Variants in EPHA3 observed in about 807,000 individuals in gnomAD.
EPHA3 encodes the protein ephrin type-A receptor 3.
Under a neutral mutation model 107.1 loss-of-function variants are expected in EPHA3, and 42 were observed. The observed-to-expected ratio is 0.39, with a 90% CI of 0.31 to 0.51. The LOEUF (loss-of-function observed/expected upper bound fraction) is 0.51, where lower values mean the gene tolerates loss of function less well. EPHA3 is among the 20% of genes least tolerant of loss of function. EPHA3 has a pLI of 0.78. For missense variants in EPHA3, 1,183 were observed against 1,211.2 expected, an observed-to-expected ratio of 0.98 and a Z score of 0.35; for synonymous variants, 461 against 424.8, an observed-to-expected ratio of 1.09 and a Z score of -1.05.
chr3:89,419,476 C>T (rs929393019), intron 11 of EPHA3, 86 bp downstream of exon 11: 61 of 1,258,246 alleles, frequency 4.8e-5, no homozygotes, highest in Middle Eastern at 2.1e-4. Flanking sequence ...AGAATTTTGG[C>T]TTTTTTTCAT....
intron 15 of EPHA3, among the ~76,000 whole-genome samples, chr3:89,470,043 C>T (rs1269824609): frequency 6.6e-6 from 1 of 151,020 alleles, no homozygotes; most frequent in Non-Finnish European, 1.5e-5. Context: ...CAAAATATAC[C>T]CTCTTAATTA....
At chr3:89,360,853 T>C (rs1484746149) in intron 5 of EPHA3, among the ~76,000 whole-genome samples, 1 of 151,186 alleles carries the variant, frequency 6.6e-6, no homozygotes, top group African/African-American at 2.4e-5. Context: ...TTCAAATATT[T>C]AATTCACTTC....
chr3:89,327,733 T>A (rs1205544833), intron 3 of EPHA3, among the ~76,000 whole-genome samples: 2 of 150,048 alleles, frequency 1.3e-5, no homozygotes, highest in Non-Finnish European at 1.5e-5. Flanking sequence ...AGAACTGTGC[T>A]TTTTTTTTGT....
At chr3:89,390,587 G>A (rs1423055112) in intron 5 of EPHA3, among the ~76,000 whole-genome samples, 1 of 135,940 alleles carries the variant, frequency 7.4e-6, no homozygotes, top group Admixed American at 8.2e-5. Flanking sequence ...GCAACAGAGC[G>A]AGACTCCGTT....
intron 3 of EPHA3, among the ~76,000 whole-genome samples, chr3:89,248,611 A>C (rs1329362181): frequency 6.6e-6 from 1 of 152,234 alleles, no homozygotes; most frequent in Non-Finnish European, 1.5e-5. Context: ...ATAACATTAC[A>C]TCTCAGGAAG....
At chr3:89,457,340 G>A (rs936552564) in intron 15 of EPHA3, among the ~76,000 whole-genome samples, 1 of 152,242 alleles carries the variant, frequency 6.6e-6, no homozygotes. Flanking sequence ...TTACGAACCA[G>A]GTGGCAAAGC....
At chr3:89,117,948 A>G (rs1170409135) in intron 1 of EPHA3, among the ~76,000 whole-genome samples, 1 of 152,072 alleles carries the variant, frequency 6.6e-6, no homozygotes, top group Non-Finnish European at 1.5e-5. Context: ...ACAGCATCAT[A>G]GAAAACTAGA....
At position 89,320,505 on chromosome 3, in the gene EPHA3, T is replaced by TAC. The variant is rs1201714383; in HGVS notation, c.815-20411_815-20410insAC. Among the ~76,000 whole-genome samples the TAC allele has an allele frequency of 1.8e-4, 27 of 152,158 alleles. No homozygotes were observed. The East Asian group carries it at 2.7e-3, about 15-fold the overall frequency. Reference sequence around the variant, plus strand: ...CCAATGTAATCATTGAGCCATCTTGTGTCATCTTCTAATCCTGGGAGATGA... The same window carrying TAC: ...CCAATGTAATCATTGAGCCATCTTGTACGTCATCTTCTAATCCTGGGAGATGA... On this transcript the variant is annotated intron_variant, in intron 3 of 16. Coordinates refer to ENST00000336596, the MANE Select transcript of EPHA3 (RefSeq NM_005233.6).
intron 2 of EPHA3, among the ~76,000 whole-genome samples, chr3:89,183,650 C>A (rs1270538279): frequency 6.6e-6 from 1 of 151,910 alleles, no homozygotes; most frequent in Non-Finnish European, 1.5e-5. Flanking sequence ...TTAATGAAAA[C>A]AGATGCATTC....
intron 5 of EPHA3, among the ~76,000 whole-genome samples, chr3:89,370,686 A>T (rs1708282855): frequency 6.6e-6 from 1 of 151,744 alleles, no homozygotes; most frequent in African/African-American, 2.4e-5. Flanking sequence ...AAAATACATT[A>T]GTTGTATATA....
At chr3:89,157,308 C>A (rs1033811020) in intron 2 of EPHA3, among the ~76,000 whole-genome samples, 3 of 151,948 alleles carry the variant, frequency 2.0e-5, no homozygotes, top group Admixed American at 6.6e-5. Flanking sequence ...TTCCTTAATG[C>A]AACTTTAATA....
At chr3:89,159,383 G>A (rs1489559178) in intron 2 of EPHA3, among the ~76,000 whole-genome samples, 1 of 152,048 alleles carries the variant, frequency 6.6e-6, no homozygotes, top group Non-Finnish European at 1.5e-5. Context: ...CTAGATACAA[G>A]TTAGGGAGGG....
Position 89,419,206 on chromosome 3 carries a change from T to A in EPHA3, c.1890T>A (p.Gly630=). The part of the protein sequence containing the change: ...NISIDKVVGA[G]EFGEVCSGRL... ...TGTTGCTGTTCTGCTTTATAACAGGTGAATTTGGAGAGGTGTGCAGTGGTC... is the reference window on the plus strand; with the variant it reads ...TGTTGCTGTTCTGCTTTATAACAGGAGAATTTGGAGAGGTGTGCAGTGGTC... The change falls in exon 11 of 17, where the codon GGT becomes GGA. Residue 630 remains glycine, a splice_region_variant and synonymous_variant. Coordinates refer to ENST00000336596, the MANE Select transcript of EPHA3 (RefSeq NM_005233.6). 6.3e-7 allele frequency: 1 copy of A among 1,592,268 alleles called. No homozygotes were observed. Among genetic ancestry groups the A allele is most frequent in the Non-Finnish European group, 8.5e-7 (1 of 1,171,490 alleles).
At chr3:89,130,854 A>T (rs1339206676) in intron 2 of EPHA3, among the ~76,000 whole-genome samples, 3 of 151,836 alleles carry the variant, frequency 2.0e-5, no homozygotes, top group Non-Finnish European at 2.9e-5. Context: ...GCCAAGATGG[A>T]CTCGATCTCC....
At chr3:89,134,683 G>C (rs188283928) in intron 2 of EPHA3, among the ~76,000 whole-genome samples, 1 of 152,104 alleles carries the variant, frequency 6.6e-6, no homozygotes, top group South Asian at 2.1e-4. Flanking sequence ...TTCAATGGCC[G>C]GTCACTATGC....
In EPHA3 at chr3:89,250,609, C is replaced by A. The variant is rs75960409; in HGVS notation, c.814+40089C>A. 4.3e-3 allele frequency among the ~76,000 whole-genome samples: 654 copies of A among 152,292 alleles called. 7 individuals carry two copies. Among genetic ancestry groups the A allele is most frequent in the African/African-American group, 0.014 (602 of 41,566 alleles). On this transcript the variant is annotated intron_variant, in intron 3 of 16. Coordinates refer to ENST00000336596, the MANE Select transcript of EPHA3 (RefSeq NM_005233.6). Reference sequence around the variant, plus strand: ...TTCTTATCCCCACTGCTACCCTGTGCTGACCTAATACCTAAACCAAACTGG... The same window carrying A: ...TTCTTATCCCCACTGCTACCCTGTGATGACCTAATACCTAAACCAAACTGG...
chr3:89,319,299 T>C (rs1347245702), intron 3 of EPHA3, among the ~76,000 whole-genome samples: 1 of 151,918 alleles, frequency 6.6e-6, no homozygotes. Context: ...GTATTATCAG[T>C]GCACACCAAT....
At chr3:89,442,733 A>T (rs1559698118) in intron 13 of EPHA3, among the ~76,000 whole-genome samples, 1 of 152,152 alleles carries the variant, frequency 6.6e-6, no homozygotes, top group African/African-American at 2.4e-5. Context: ...GGACTGCAAG[A>T]TGCATGGGAC....
At chr3:89,235,625 A>T (rs1704740376) in intron 3 of EPHA3, among the ~76,000 whole-genome samples, 1 of 151,888 alleles carries the variant, frequency 6.6e-6, no homozygotes, top group Non-Finnish European at 1.5e-5. Flanking sequence ...TTAGAAAAAA[A>T]AGAGTATATT....
Sources: gnomAD v4.1 joint callset for allele counts (sites outside exome capture counted in the v4.1 genomes callset) on GRCh38, gnomAD v4.1.1 for gene constraint, MANE v1.5 for transcripts, NCBI Gene and HGNC (gene_info 2026-07-23, HGNC 2026-07-21) for gene names.